The following TBC1D4 variants were observed in gnomAD, a reference collection of about 807,000 sequenced individuals.
TBC1D4 encodes TBC1 domain family member 4, also known as TBC (Tre-2, BUB2, CDC16) domain-containing protein.
TBC1D4 carries 121 observed loss-of-function variants against 142.5 expected under a neutral mutation model. The observed-to-expected ratio is 0.85, with a 90% CI of 0.73 to 0.99. TBC1D4 has a LOEUF of 0.99. Among genes scored for constraint, TBC1D4 ranks in the 50% least tolerant of loss-of-function variants. The pLI, the probability that TBC1D4 is intolerant of heterozygous loss-of-function variation, is 0.00. For missense variants in TBC1D4, 1,475 were observed against 1,606.6 expected, an observed-to-expected ratio of 0.92 and a Z score of 1.40; for synonymous variants, 630 against 628.2, an observed-to-expected ratio of 1.00 and a Z score of -0.04.
At chr13:75,374,008 T>C (rs1883361683) in intron 1 of TBC1D4, among the ~76,000 whole-genome samples, 1 of 152,200 alleles carries the variant, frequency 6.6e-6, no homozygotes, top group Admixed American at 6.5e-5. Context: ...AGAAAGAATA[T>C]GCTTCATCTA....
At chr13:75,313,723 A>G (rs943460584) in intron 12 of TBC1D4, among the ~76,000 whole-genome samples, 27 of 152,206 alleles carry the variant, frequency 1.8e-4, no homozygotes, top group African/African-American at 6.5e-4. Context: ...ACCGGGTCCC[A>G]TTGTGTTGTC....
At chr13:75,328,722 C>T (rs527623423) in intron 8 of TBC1D4, among the ~76,000 whole-genome samples, 44 of 152,168 alleles carry the variant, frequency 2.9e-4, no homozygotes, top group South Asian at 6.2e-4. Flanking sequence ...AGTGACCCTG[C>T]GAAATTTTTT....
chr13:75,333,033 CAAAT>C (rs1879886578), intron 8 of TBC1D4, among the ~76,000 whole-genome samples: 1 of 152,150 alleles, frequency 6.6e-6, no homozygotes, highest in Non-Finnish European at 1.5e-5. Flanking sequence ...TACACATTTG[CAAAT>C]AGAGTTCAAT....
rs563998918 is a variant in TBC1D4, at chr13:75,411,556, C to T, written c.499-48949G>A. Among the ~76,000 whole-genome samples, 11 of 152,240 alleles carry T rather than the reference C, an allele frequency of 7.2e-5. No individual in the cohort carries two copies. The South Asian group carries it at 1.9e-3, about 26-fold the overall frequency. On this transcript the variant is annotated intron_variant, in intron 1 of 20. Coordinates refer to ENST00000377636, the MANE Select transcript of TBC1D4 (RefSeq NM_014832.5). ...GCCTCTTTTTTTTGAGACAGAGTCT[C>T]GCTCGGTCATCCAGGTTGGAGTGCC...
At chr13:75,320,244 T>C (rs1403120008) in intron 11 of TBC1D4, among the ~76,000 whole-genome samples, 1 of 152,102 alleles carries the variant, frequency 6.6e-6, no homozygotes, top group Non-Finnish European at 1.5e-5. Context: ...TACTTCATCA[T>C]CAAAGATTTT....
intron 1 of TBC1D4, among the ~76,000 whole-genome samples, chr13:75,448,429 C>T (rs1887387512): frequency 1.3e-5 from 2 of 151,758 alleles, no homozygotes; most frequent in Admixed American, 6.6e-5. Flanking sequence ...ATTAGCCAGA[C>T]GTGGTGGCGC....
At chr13:75,289,676 A>G (rs529802805) in intron 19 of TBC1D4, among the ~76,000 whole-genome samples, 1 of 152,286 alleles carries the variant, frequency 6.6e-6, no homozygotes, top group South Asian at 2.1e-4. Flanking sequence ...AGTCATTTAC[A>G]TATTGTACCA....
chr13:75,356,362 C>T, intron 3 of TBC1D4, 111 bp from the exon 4 acceptor site: 1 of 795,744 alleles, frequency 1.3e-6, no homozygotes, highest in Non-Finnish European at 2.1e-6. Flanking sequence ...CGAATTTCTC[C>T]TTCACAGCAA....
chr13:75,291,716 C>A lies in TBC1D4; in HGVS notation c.3486+386G>T, dbSNP rs1010830470. Among the ~76,000 whole-genome samples the A allele has an allele frequency of 2.6e-5, 4 of 152,150 alleles. No individual in the cohort carries two copies. In the East Asian group the frequency reaches 7.7e-4, roughly 29 times the overall value. On this transcript the variant is annotated intron_variant, in intron 19 of 20. Coordinates refer to ENST00000377636, the MANE Select transcript of TBC1D4 (RefSeq NM_014832.5). Reference sequence around the variant, plus strand: ...TTAAAAAGCCAGAAGTAGATGCAAACCCAATACCTTCTAATTCCAAAGCCT... The same window carrying A: ...TTAAAAAGCCAGAAGTAGATGCAAAACCAATACCTTCTAATTCCAAAGCCT...
intron 1 of TBC1D4, among the ~76,000 whole-genome samples, chr13:75,409,860 T>C (rs1593855094): frequency 2.0e-5 from 3 of 152,336 alleles, no homozygotes; most frequent in East Asian, 3.9e-4. Flanking sequence ...GTTAAGATAC[T>C]AGTGTTAATT....
At position 75,338,436 on chromosome 13, in the gene TBC1D4, A is replaced by G. The variant is rs142263769; in HGVS notation, c.1612-1396T>C. Among the ~76,000 whole-genome samples, 322 of 152,316 alleles carry G rather than the reference A, an allele frequency of 2.1e-3. 3 individuals are homozygous for G. Among genetic ancestry groups the G allele is most frequent in the African/African-American group, 7.5e-3 (312 of 41,574 alleles). On this transcript the variant is annotated intron_variant, in intron 7 of 20. Transcript: ENST00000377636. ...TGGGCACTTAGCAAATATCTGACAC[A>G]TAGTAACTGCTCAGTAAATACCAGT... is the stretch of plus-strand genomic sequence containing the variant.
intron 14 of TBC1D4, 109 bp from the exon 15 acceptor site, chr13:75,306,580 G>A: frequency 7.7e-7 from 1 of 1,306,934 alleles, no homozygotes; most frequent in Non-Finnish European, 1.1e-6. Context: ...GGAATCAACT[G>A]GTAGTGTATC....
intron 13 of TBC1D4, 68 bp from the exon 14 acceptor site, chr13:75,310,219 T>C (rs773962994): frequency 2.0e-6 from 3 of 1,473,380 alleles, no homozygotes; most frequent in Non-Finnish European, 2.8e-6. Flanking sequence ...TTCTGTAGAA[T>C]TCACATTCTC....
intron 1 of TBC1D4, among the ~76,000 whole-genome samples, chr13:75,414,172 T>C (rs1333009990): frequency 1.3e-5 from 2 of 152,044 alleles, no homozygotes; most frequent in African/African-American, 4.8e-5. Context: ...AGAGGGAGGG[T>C]GGTAGGCCTA....
At chr13:75,335,833 C>A (rs963027401) in intron 8 of TBC1D4, among the ~76,000 whole-genome samples, 1 of 152,144 alleles carries the variant, frequency 6.6e-6, no homozygotes, top group African/African-American at 2.4e-5. Context: ...ACCTGCAGAA[C>A]CGTGAGTCAA....
At chr13:75,407,922 C>T (rs549805989) in intron 1 of TBC1D4, among the ~76,000 whole-genome samples, 188 of 151,924 alleles carry the variant, frequency 1.2e-3, no homozygotes, top group Non-Finnish European at 2.3e-3. Flanking sequence ...GGGAACGAGC[C>T]GGGAAATCTC....
chr13:75,466,970 C>A (rs1326558412), intron 1 of TBC1D4, among the ~76,000 whole-genome samples: 3 of 151,970 alleles, frequency 2.0e-5, no homozygotes, highest in Non-Finnish European at 4.4e-5. Flanking sequence ...GTTTCCACTG[C>A]CAATATCTAG....
Position 75,286,550 on chromosome 13 carries a change from G to A in TBC1D4, c.*242C>T. 2.5e-6 allele frequency: 1 copy of A among 406,586 alleles called. No individual in the cohort carries two copies. The highest frequency in any genetic ancestry group is 5.1e-5 in the South Asian group (1 of 19,580). 25.2% of individuals were successfully genotyped at this position (406,586 alleles called of 1,614,324 possible). On this transcript the variant is annotated 3_prime_UTR_variant, in exon 21 of 21. Coordinates refer to ENST00000377636, the MANE Select transcript of TBC1D4 (RefSeq NM_014832.5). ...CATTTTATCTGAAAGCATGAACTAT[G>A]TTCATTTTATATATATATTTATATG...
chr13:75,319,235 G>T (rs751708081), intron 12 of TBC1D4, among the ~76,000 whole-genome samples: 7 of 152,110 alleles, frequency 4.6e-5, no homozygotes, highest in Non-Finnish European at 1.0e-4. Flanking sequence ...AGTCTAGTGC[G>T]ATACTTAATA....
Sources: gnomAD v4.1 joint callset for allele counts (sites outside exome capture counted in the v4.1 genomes callset) on GRCh38, gnomAD v4.1.1 for gene constraint, MANE v1.5 for transcripts, NCBI Gene and HGNC (gene_info 2026-07-23, HGNC 2026-07-21) for gene names.